The following CCDC170 variants were observed in gnomAD, a reference collection of about 807,000 sequenced individuals.
CCDC170 encodes the protein coiled-coil domain containing 170, also known as coiled-coil domain-containing protein 170.
In CCDC170, 69 loss-of-function variants were observed where a neutral mutation model predicts 72.6. That is an observed-to-expected ratio of 0.95 (90% CI 0.78 to 1.16). The LOEUF (loss-of-function observed/expected upper bound fraction) is 1.16, where lower values mean the gene tolerates loss of function less well. Among genes scored for constraint, CCDC170 ranks in the 50% most tolerant of loss-of-function variants. The probability of loss-of-function intolerance (pLI) is 0.00; values close to 1 mark genes in which losing one functional copy is unlikely to be tolerated. For missense variants in CCDC170, 852 were observed against 832.5 expected, an observed-to-expected ratio of 1.02 and a Z score of -0.29; for synonymous variants, 300 against 303.9, an observed-to-expected ratio of 0.99 and a Z score of 0.13.
intron 5 of CCDC170, among the ~76,000 whole-genome samples, chr6:151,553,587 G>A (rs1037588606): frequency 6.6e-6 from 1 of 152,108 alleles, no homozygotes; most frequent in African/African-American, 2.4e-5. Flanking sequence ...GTAAGGAAAT[G>A]TGTTGTAATA....
chr6:151,517,745 A>T (rs1313442677), intron 1 of CCDC170, among the ~76,000 whole-genome samples: 1 of 151,998 alleles, frequency 6.6e-6, no homozygotes, highest in Admixed American at 6.6e-5. Context: ...CCCGGCCACT[A>T]ATAATTTCTT....
chr6:151,515,627 G>C (rs185214584), intron 1 of CCDC170, among the ~76,000 whole-genome samples: 2 of 152,274 alleles, frequency 1.3e-5, no homozygotes, highest in Admixed American at 6.5e-5. Flanking sequence ...CAGGTAGCAG[G>C]CTTCAGAGAC....
intron 6 of CCDC170, 86 bp downstream of exon 6, chr6:151,573,577 T>C: frequency 7.9e-7 from 1 of 1,261,988 alleles, no homozygotes; most frequent in Non-Finnish European, 1.1e-6. Context: ...TAGTCTATTC[T>C]CACGCTGCTA....
In CCDC170 at chr6:151,547,457, G is replaced by A. The variant is rs148673132; in HGVS notation, c.589-847G>A. Among the ~76,000 whole-genome samples, 351 of 152,268 alleles carry A rather than the reference G, an allele frequency of 2.3e-3. 1 individual carries two copies. The highest frequency in any genetic ancestry group is 4.0e-3 in the Non-Finnish European group (272 of 68,024). ...TGGACACTGTCTGAAGAGCGCCCCC[G>A]TGAGGTCGGGAGTTTTGAGGGCCAT... On this transcript the variant is annotated intron_variant, in intron 4 of 10. Transcript: ENST00000239374.
intron 5 of CCDC170, among the ~76,000 whole-genome samples, chr6:151,572,373 A>C (rs2115087585): frequency 6.6e-6 from 1 of 152,320 alleles, no homozygotes; most frequent in East Asian, 1.9e-4. Flanking sequence ...CTATTATTCA[A>C]AATAGCATTG....
chr6:151,533,085 G>A (rs1279940083), intron 1 of CCDC170, among the ~76,000 whole-genome samples: 3 of 137,086 alleles, frequency 2.2e-5, no homozygotes, highest in Admixed American at 8.1e-5. Context: ...ATGGAGTCTC[G>A]CTCTGTCACC....
chr6:151,615,044 G>T (rs1776935760), intron 9 of CCDC170, among the ~76,000 whole-genome samples: 1 of 152,138 alleles, frequency 6.6e-6, no homozygotes, highest in Non-Finnish European at 1.5e-5. Context: ...ATTAGAAGAG[G>T]GGACATTTTG....
chr6:151,613,204 G>T (rs1409536784), intron 9 of CCDC170, among the ~76,000 whole-genome samples: 1 of 152,154 alleles, frequency 6.6e-6, no homozygotes, highest in Admixed American at 6.5e-5. Flanking sequence ...AGGGGTCCAA[G>T]ACCAGCCTGG....
intron 8 of CCDC170, among the ~76,000 whole-genome samples, chr6:151,596,070 A>G (rs771061008): frequency 6.6e-6 from 1 of 152,202 alleles, no homozygotes; most frequent in Non-Finnish European, 1.5e-5. Context: ...GATGATGCAC[A>G]TAATGTTAGA....
chr6:151,496,260 C>A (rs1781910733), intron 1 of CCDC170, among the ~76,000 whole-genome samples: 1 of 151,998 alleles, frequency 6.6e-6, no homozygotes. Flanking sequence ...TGGTGATGTC[C>A]CCAGCTGGTG....
At chr6:151,556,565 A>G (rs957836952) in intron 5 of CCDC170, among the ~76,000 whole-genome samples, 1 of 152,252 alleles carries the variant, frequency 6.6e-6, no homozygotes, top group African/African-American at 2.4e-5. Context: ...GCTATGAAAT[A>G]TGAAGAATTT....
intron 1 of CCDC170, among the ~76,000 whole-genome samples, chr6:151,535,367 A>T (rs1479320229): frequency 6.6e-6 from 1 of 152,182 alleles, no homozygotes; most frequent in Non-Finnish European, 1.5e-5. Context: ...GGGGCTGTCC[A>T]TGTGTGACAC....
chr6:151,534,167 C>G (rs933443166), intron 1 of CCDC170, among the ~76,000 whole-genome samples: 8 of 151,396 alleles, frequency 5.3e-5, no homozygotes, highest in African/African-American at 1.2e-4. Flanking sequence ...GGGACTCAAG[C>G]CTTCCTCCCA....
At chr6:151,568,592 G>T (rs1776172403) in intron 5 of CCDC170, among the ~76,000 whole-genome samples, 2 of 152,264 alleles carry the variant, frequency 1.3e-5, no homozygotes, top group South Asian at 2.1e-4. Flanking sequence ...TTCTCTAGAG[G>T]TGATGAGAAT....
At chr6:151,599,665 T>TAG (rs924895426) in intron 9 of CCDC170, among the ~76,000 whole-genome samples, 1 of 151,744 alleles carries the variant, frequency 6.6e-6, no homozygotes, top group Admixed American at 6.6e-5. Flanking sequence ...GAGAGAGAGA[T>TAG]AGAGAGAGAG....
chr6:151,601,056 C>T (rs117485180), intron 9 of CCDC170, among the ~76,000 whole-genome samples: 8,741 of 152,176 alleles, frequency 0.057, 306 homozygotes, highest in South Asian at 0.096. Context: ...AAGACATACC[C>T]GAGACTGGGC....
In CCDC170 at chr6:151,618,478, A is replaced by T. The variant is rs1777005977; in HGVS notation, c.*331A>T. The T allele has an allele frequency of 3.6e-6, 1 of 275,374 alleles. No individual in the cohort carries two copies. Among genetic ancestry groups the T allele is most frequent in the African/African-American group, 2.2e-5 (1 of 45,666 alleles). The allele number at this position is 275,374 out of a possible 1,614,324, so 17.1% of individuals were successfully genotyped here. A position where few individuals can be genotyped will look rare whatever the true frequency, so the allele number is the denominator to read the frequency against. On this transcript the variant is annotated 3_prime_UTR_variant, in exon 11 of 11. Transcript: ENST00000239374. ...GGCTTTACTAGCCGATTTAGTTCTC[A>T]CAATAACCATGTGGAGAAGCTGTGA...
intron 5 of CCDC170, among the ~76,000 whole-genome samples, chr6:151,561,681 A>G (rs1277583992): frequency 3.3e-5 from 5 of 152,002 alleles, no homozygotes; most frequent in African/African-American, 1.2e-4. Flanking sequence ...TCTGATAACT[A>G]TATGCCTTGG....
chr6:151,559,622 A>G (rs986032244), intron 5 of CCDC170, among the ~76,000 whole-genome samples: 6 of 152,066 alleles, frequency 3.9e-5, no homozygotes. Context: ...TGGCTTTCCT[A>G]AATATAAGAT....
Sources: allele counts gnomAD v4.1 joint callset (sites outside exome capture counted in the v4.1 genomes callset), GRCh38; gene constraint gnomAD v4.1.1; transcripts MANE v1.5; gene names NCBI Gene and HGNC (gene_info 2026-07-23, HGNC 2026-07-21).